The following INSYN2A variants were observed in gnomAD, a reference collection of about 807,000 sequenced individuals.
The protein encoded by INSYN2A is inhibitory synaptic factor 2A.
A neutral mutation model predicts 39.4 loss-of-function variants in INSYN2A; 17 were observed. The ratio of observed to expected loss-of-function variants is 0.43; its 90% CI spans 0.30 to 0.65. The LOEUF (loss-of-function observed/expected upper bound fraction) is 0.65, where lower values mean the gene tolerates loss of function less well. Among genes scored for constraint, INSYN2A ranks in the 30% least tolerant of loss-of-function variants. INSYN2A has a pLI of 0.14. For missense variants in INSYN2A, 595 were observed against 631.2 expected (o/e 0.94, Z 0.61); for synonymous variants, 255 against 265.7 (o/e 0.96, Z 0.39).
Position 127,196,541 on chromosome 10 carries a change from C to T in INSYN2A, c.-939G>A, listed in dbSNP as rs1020400258. Among the ~76,000 whole-genome samples, 11 of 147,080 alleles carry T rather than the reference C, an allele frequency of 7.5e-5. No homozygotes were observed. The highest frequency in any genetic ancestry group is 4.2e-4 in the South Asian group (2 of 4,786). On this transcript the variant is annotated 5_prime_UTR_variant, in exon 1 of 6. Transcript: ENST00000522781. ...GGCCAGAGGCGAGGGCGCCCCAAGC[C>T]GCGCGCCTGCCGCCTGTGCGCCCGG...
intron 4 of INSYN2A, among the ~76,000 whole-genome samples, chr10:127,156,949 G>T (rs930588731): frequency 6.6e-6 from 1 of 152,096 alleles, no homozygotes; most frequent in African/African-American, 2.4e-5. Context: ...CTCCATTACG[G>T]TCAGTAAGCA....
At position 127,186,507 on chromosome 10, in the gene INSYN2A, GC is replaced by G. The variant is rs1326283340; in HGVS notation, c.-269+6097del. ...TCATGATAACAGCATGGGAGAAACC[GC>G]CCCCCCGCCCCCCCCCGATCCAGTT... On this transcript the variant is annotated intron_variant, in intron 2 of 5. Coordinates refer to ENST00000522781, the MANE Select transcript of INSYN2A (RefSeq NM_001039762.3). Among the ~76,000 whole-genome samples, 3 of 5,918 alleles carry G rather than the reference GC, an allele frequency of 5.1e-4. 1 individual carries two copies. Among genetic ancestry groups the G allele is most frequent in the South Asian group, 0.04 (2 of 50 alleles). 3.9% of individuals were successfully genotyped at this position (5,918 alleles called of 152,430 possible). A position where few individuals can be genotyped will look rare whatever the true frequency, so the allele number is the denominator to read the frequency against.
chr10:127,153,084 G>A (rs960724935), intron 5 of INSYN2A, among the ~76,000 whole-genome samples: 3 of 152,086 alleles, frequency 2.0e-5, no homozygotes, highest in Admixed American at 1.3e-4. Flanking sequence ...TGATAATTTG[G>A]TGGATCACTA....
chr10:127,180,057 G>A (rs966797297), intron 2 of INSYN2A, among the ~76,000 whole-genome samples: 6 of 152,162 alleles, frequency 3.9e-5, no homozygotes, highest in Non-Finnish European at 7.3e-5. Flanking sequence ...AGCTGAATCC[G>A]TTTGAATCAC....
At chr10:127,152,928 A>C (rs1453868489) in intron 5 of INSYN2A, among the ~76,000 whole-genome samples, 1 of 152,192 alleles carries the variant, frequency 6.6e-6, no homozygotes, top group Non-Finnish European at 1.5e-5. Flanking sequence ...GGCCAGGTCT[A>C]GGCTTTCCCT....
chr10:127,156,040 G>A (rs1370636498), intron 4 of INSYN2A, among the ~76,000 whole-genome samples: 1 of 152,164 alleles, frequency 6.6e-6, no homozygotes, highest in African/African-American at 2.4e-5. Flanking sequence ...CTTACAGTGG[G>A]CGAAACCAGG....
chr10:127,194,914 T>G (rs1164978435), intron 1 of INSYN2A, among the ~76,000 whole-genome samples: 4 of 152,224 alleles, frequency 2.6e-5, no homozygotes, highest in Non-Finnish European at 4.4e-5. Flanking sequence ...GCTTCACCGC[T>G]GCTTCTGGCG....
chr10:127,191,261 C>T (rs1291714856), intron 2 of INSYN2A, among the ~76,000 whole-genome samples: 1 of 152,098 alleles, frequency 6.6e-6, no homozygotes, highest in Non-Finnish European at 1.5e-5. Flanking sequence ...CACTTCCTTG[C>T]CACCTCCTCC....
chr10:127,135,949 C>T lies in INSYN2A; in HGVS notation c.*1888G>A, dbSNP rs2050654136. On this transcript the variant is annotated 3_prime_UTR_variant, in exon 6 of 6. Transcript: ENST00000522781. ...TAAAAACAGTATAAAAAACATGAAA[C>T]CCATTTTTAAATATTTAGTCTACGT... The T allele has an allele frequency of 6.6e-6, 1 of 152,558 alleles. No individual in the cohort carries two copies. The highest frequency in any genetic ancestry group is 1.5e-5 in the Non-Finnish European group (1 of 68,018). 9.5% of individuals were successfully genotyped at this position (152,558 alleles called of 1,614,324 possible).
chr10:127,140,620 G>A (rs1368831586), intron 5 of INSYN2A, among the ~76,000 whole-genome samples: 2 of 152,020 alleles, frequency 1.3e-5, no homozygotes, highest in Admixed American at 6.5e-5. Flanking sequence ...CAAGTCTCTC[G>A]GTTGAGTTTG....
chr10:127,158,173 A>G (rs1048616794), intron 4 of INSYN2A, among the ~76,000 whole-genome samples: 1 of 152,240 alleles, frequency 6.6e-6, no homozygotes, highest in African/African-American at 2.4e-5. Flanking sequence ...CAGGGAACAC[A>G]GAGTGCTGTT....
At chr10:127,139,991 C>T (rs532453599) in intron 5 of INSYN2A, among the ~76,000 whole-genome samples, 76 of 152,248 alleles carry the variant, frequency 5.0e-4, no homozygotes, top group African/African-American at 1.8e-3. Flanking sequence ...GCCTGTCAAT[C>T]GAGTCTGTGA....
intron 4 of INSYN2A, among the ~76,000 whole-genome samples, chr10:127,165,306 A>G (rs1408660625): frequency 6.6e-6 from 1 of 152,186 alleles, no homozygotes; most frequent in Non-Finnish European, 1.5e-5. Flanking sequence ...CTTTGTTTCA[A>G]AAGCCTGACC....
intron 4 of INSYN2A, among the ~76,000 whole-genome samples, chr10:127,167,762 C>T (rs1243383932): frequency 6.6e-6 from 1 of 152,108 alleles, no homozygotes; most frequent in Non-Finnish European, 1.5e-5. Flanking sequence ...GTCCTTTTCT[C>T]TGGAAACCAC....
At chr10:127,149,359 T>G (rs915222027) in intron 5 of INSYN2A, among the ~76,000 whole-genome samples, 2 of 152,128 alleles carry the variant, frequency 1.3e-5, no homozygotes, top group African/African-American at 4.8e-5. Flanking sequence ...CTGGTGGTTT[T>G]CCCCCCGCCT....
At chr10:127,170,712 A>C (rs2054493758) in intron 4 of INSYN2A, among the ~76,000 whole-genome samples, 1 of 152,058 alleles carries the variant, frequency 6.6e-6, no homozygotes, top group African/African-American at 2.4e-5. Flanking sequence ...TGTTCTAATA[A>C]TTGATTGGGT....
intron 4 of INSYN2A, among the ~76,000 whole-genome samples, chr10:127,162,304 T>G (rs567953344): frequency 6.6e-6 from 1 of 152,224 alleles, no homozygotes; most frequent in Non-Finnish European, 1.5e-5. Context: ...CCCAATTGAT[T>G]AGTTTAAGGG....
chr10:127,145,252 G>A (rs957905210), intron 5 of INSYN2A, among the ~76,000 whole-genome samples: 1 of 152,076 alleles, frequency 6.6e-6, no homozygotes, highest in Non-Finnish European at 1.5e-5. Flanking sequence ...AGGAGCAGAG[G>A]CAGACCCAAG....
At chr10:127,184,226 G>A (rs900595395) in intron 2 of INSYN2A, among the ~76,000 whole-genome samples, 2 of 152,158 alleles carry the variant, frequency 1.3e-5, no homozygotes, top group African/African-American at 2.4e-5. Context: ...TTGGGGTCAC[G>A]AGACCCATCT....
Sources: allele counts gnomAD v4.1 joint callset (sites outside exome capture counted in the v4.1 genomes callset), GRCh38; gene constraint gnomAD v4.1.1; transcripts MANE v1.5; gene names NCBI Gene and HGNC (gene_info 2026-07-23, HGNC 2026-07-21).